The following ADGRB1 variants were observed in gnomAD, a reference collection of about 807,000 sequenced individuals.
ADGRB1 encodes the protein brain-specific angiogenesis inhibitor 1.
Under a neutral mutation model 175.7 loss-of-function variants are expected in ADGRB1, and 36 were observed. That is an observed-to-expected ratio of 0.20 (90% CI 0.16 to 0.27). The LOEUF is 0.27. Ranked by LOEUF, ADGRB1 falls within the 10% of genes least tolerant of loss-of-function variation. The probability of loss-of-function intolerance (pLI) is 1.00; values close to 1 mark genes in which losing one functional copy is unlikely to be tolerated. For missense variants in ADGRB1, 1,731 were observed against 2,255.3 expected (o/e 0.77, Z 4.71); for synonymous variants, 1,054 against 979.4 (o/e 1.08, Z -1.42).
intron 17 of ADGRB1, among the ~76,000 whole-genome samples, chr8:142,491,058 C>T (rs752415738): frequency 3.3e-5 from 5 of 152,312 alleles, no homozygotes; most frequent in Admixed American, 2.0e-4. Context: ...GGAGGTCCAA[C>T]CACAGGCCAG....
chr8:142,483,882 A>T, intron 11 of ADGRB1, 95 bp from the exon 12 acceptor site: 1 of 1,343,824 alleles, frequency 7.4e-7, no homozygotes, highest in South Asian at 1.2e-5. Flanking sequence ...TTCAGCCCTG[A>T]CCCTGGTCAC....
intron 1 of ADGRB1, among the ~76,000 whole-genome samples, chr8:142,457,953 T>C (rs1054353003): frequency 2.1e-4 from 32 of 152,182 alleles, no homozygotes; most frequent in African/African-American, 7.7e-4. Context: ...AGGCCAGCCG[T>C]CTGCCTCCCA....
At chr8:142,475,710 G>A (rs1388554140) in intron 3 of ADGRB1, 75 bp downstream of exon 3, 7 of 226,104 alleles carry the variant, frequency 3.1e-5, no homozygotes, top group South Asian at 1.7e-4. Context: ...GGGGGGTGGG[G>A]CCCTGGAGAG....
chr8:142,462,588 C>G (rs1840027616), intron 1 of ADGRB1, among the ~76,000 whole-genome samples: 1 of 152,248 alleles, frequency 6.6e-6, no homozygotes, highest in Admixed American at 6.5e-5. Flanking sequence ...GGAAGGACGC[C>G]AGGAGGGGAC....
At chr8:142,453,555 G>C (rs975139908) in intron 1 of ADGRB1, among the ~76,000 whole-genome samples, 2 of 152,182 alleles carry the variant, frequency 1.3e-5, no homozygotes, top group African/African-American at 4.8e-5. Flanking sequence ...TGACTTCTGG[G>C]TAAACACGCA....
chr8:142,488,867 G>A (rs1303919166), intron 14 of ADGRB1, among the ~76,000 whole-genome samples, 168 bp from the exon 15 acceptor site: 1 of 152,214 alleles, frequency 6.6e-6, no homozygotes, highest in African/African-American at 2.4e-5. Flanking sequence ...CTCCCTGGCT[G>A]CAGCACTGTG....
At chr8:142,481,477 C>G (rs917926631) in intron 10 of ADGRB1, 40 bp from the exon 11 acceptor site, 1 of 1,575,414 alleles carries the variant, frequency 6.3e-7, no homozygotes. Flanking sequence ...TGGACATGTT[C>G]CACAGAGGTG....
At chr8:142,473,479 C>T (rs998026547) in intron 2 of ADGRB1, among the ~76,000 whole-genome samples, 22 of 152,340 alleles carry the variant, frequency 1.4e-4, no homozygotes, top group African/African-American at 4.8e-4. Flanking sequence ...GGTTCCTCTC[C>T]TTGTCCTGAG....
intron 19 of ADGRB1, among the ~76,000 whole-genome samples, chr8:142,519,257 C>A (rs1031868652): frequency 5.9e-5 from 9 of 152,220 alleles, no homozygotes; most frequent in African/African-American, 1.9e-4. Flanking sequence ...TTCAAAGCAT[C>A]TCCCTTGGTG....
intron 17 of ADGRB1, among the ~76,000 whole-genome samples, chr8:142,502,420 ATGGTGG>A (rs1563719070): frequency 5.6e-3 from 12 of 2,132 alleles, no homozygotes; most frequent in East Asian, 0.021. Context: ...GGTGGTGGTG[ATGGTGG>A]TGGTGGTGGT....
At chr8:142,536,787 C>T (rs577814945) in intron 25 of ADGRB1, among the ~76,000 whole-genome samples, 200 bp from the exon 26 acceptor site, 5 of 152,200 alleles carry the variant, frequency 3.3e-5, no homozygotes, top group African/African-American at 1.2e-4. Flanking sequence ...CTGTTCCCCT[C>T]CTGGGGTCTC....
chr8:142,491,016 G>C (rs762660382), intron 17 of ADGRB1, among the ~76,000 whole-genome samples: 1 of 152,168 alleles, frequency 6.6e-6, no homozygotes, highest in Non-Finnish European at 1.5e-5. Context: ...CCCCCTCCCA[G>C]GGATGTCCAC....
chr8:142,460,582 C>T (rs1283046691), intron 1 of ADGRB1, among the ~76,000 whole-genome samples: 3 of 152,168 alleles, frequency 2.0e-5, no homozygotes, highest in African/African-American at 7.2e-5. Context: ...CTGTGGAACC[C>T]CAGGGCTTCA....
chr8:142,538,114 G>C (rs4977010), intron 26 of ADGRB1, among the ~76,000 whole-genome samples: 35,034 of 152,108 alleles, frequency 0.23, 4,585 homozygotes, highest in African/African-American at 0.33. Flanking sequence ...CCAGGTGTTG[G>C]CCACCCTGCG....
rs74318162 is a variant in ADGRB1, at chr8:142,486,834, C to T, written c.2309-1530C>T. 3.2e-3 allele frequency among the ~76,000 whole-genome samples: 487 copies of T among 151,848 alleles called. 3 individuals are homozygous for T. Among genetic ancestry groups the T allele is most frequent in the African/African-American group, 0.011 (461 of 41,392 alleles). ...AGGAGTTTGAGACCAGCCTGGGCAG[C>T]ACAGTGGGACCCTGTCTCTACAAAT... On this transcript the variant is annotated intron_variant, in intron 13 of 30. Coordinates refer to ENST00000517894, the MANE Select transcript of ADGRB1 (RefSeq NM_001702.3).
chr8:142,539,383 G>A lies in ADGRB1; in HGVS notation c.3676G>A (p.Glu1226Lys), dbSNP rs747328597. The change falls in exon 27 of 31, where the codon GAG (glutamate) becomes AAG (lysine). Residue 1226 changes from glutamate (E) to lysine (K), a missense_variant. Around this residue, in one of 8 missense-constraint regions of ADGRB1, gnomAD observed 301 missense variants for 488.4 expected, o/e 0.62. Coordinates refer to ENST00000517894, the MANE Select transcript of ADGRB1 (RefSeq NM_001702.3). ...NGHAQLMTDF[E>K]KDVDLACRSV... ...TGTCTCTGTCCTACAGACCGACTTC[G>A]AGAAGGACGTGGATCTGGCCTGTAG... 1 of 1,595,308 alleles carries A rather than the reference G, an allele frequency of 6.3e-7. No homozygotes were observed. Among genetic ancestry groups the A allele is most frequent in the Non-Finnish European group, 8.5e-7 (1 of 1,171,798 alleles).
Position 142,464,099 on chromosome 8 carries a change from CACCGGGCCGG to C in ADGRB1, c.-99_-90del. 9.7e-7 allele frequency: 1 copy of C among 1,029,840 alleles called. No individual in the cohort carries two copies. The highest frequency in any genetic ancestry group is 1.2e-6 in the Non-Finnish European group (1 of 813,446). The allele number at this position is 1,029,840 out of a possible 1,614,324, so 63.8% of individuals were successfully genotyped here. On this transcript the variant is annotated 5_prime_UTR_variant, in exon 2 of 31. Transcript: ENST00000517894. ...CACCCTTGCCCCGCCTCCCTGCCCC[CACCGGGCCGG>C]CCCTGCCCGCCGCCGGACCCTGGCA...
At chr8:142,461,070 T>C (rs1458548051) in intron 1 of ADGRB1, among the ~76,000 whole-genome samples, 2 of 151,926 alleles carry the variant, frequency 1.3e-5, no homozygotes, top group Non-Finnish European at 2.9e-5. Flanking sequence ...TGCCAGGAGG[T>C]CTCCACTCGG....
rs774138249 is a variant in ADGRB1, at chr8:142,541,967, C to T, written c.3733C>T (p.Arg1245Cys). Residue 1245 changes from arginine to cysteine, a missense_variant, in exon 28 of 31, where the codon CGC (arginine) becomes TGC (cysteine). Physicochemically the swap from Arg to Cys is radical, Grantham distance 180 (BLOSUM62 -3). Transcript: ENST00000517894. ...SVLNKDIAAC[R>C]TATITGTLKR... ...GCTGAACAAGGACATCGCGGCCTGC[C>T]GCACTGCCACCATCACGGGCACACT... 9 of 1,566,774 alleles carry T rather than the reference C, an allele frequency of 5.7e-6. No homozygotes were observed. Among genetic ancestry groups the T allele is most frequent in the Admixed American group, 3.7e-5 (2 of 53,356 alleles).
Sources: gnomAD v4.1 joint callset for allele counts (sites outside exome capture counted in the v4.1 genomes callset) on GRCh38, gnomAD v4.1.1 for gene constraint, gnomAD v4.1.1 regional missense constraint, MANE v1.5 for transcripts, NCBI Gene and HGNC (gene_info 2026-07-23, HGNC 2026-07-21) for gene names.